SMCO2: variants seen among roughly 807,000 people sequenced by gnomAD.
SMCO2 encodes the protein single-pass membrane protein with coiled-coil domains 2.
A neutral mutation model predicts 29.5 loss-of-function variants in SMCO2; 25 were observed. That is an observed-to-expected ratio of 0.85 (90% CI 0.62 to 1.18). The LOEUF is 1.18. Ranked by LOEUF, SMCO2 falls within the 50% of genes most tolerant of loss-of-function variation. The probability of loss-of-function intolerance (pLI) is 0.00; values close to 1 mark genes in which losing one functional copy is unlikely to be tolerated. For synonymous variants in SMCO2, 117 were observed against 123.3 expected, an observed-to-expected ratio of 0.95 and a Z score of 0.34; for missense variants, 348 against 344.5, an observed-to-expected ratio of 1.01 and a Z score of -0.08.
At chr12:27,434,023 T>C in the SMCO2 span, among the ~76,000 whole-genome samples, 2 of 152,228 alleles carry the variant, frequency 1.3e-5, no homozygotes, top group African/African-American at 2.4e-5. Context: ...TAAAGCTTAA[T>C]GTTTTCCAAC....
chr12:27,432,628 C>T, the SMCO2 span, among the ~76,000 whole-genome samples: 21 of 152,306 alleles, frequency 1.4e-4, no homozygotes, highest in African/African-American at 2.9e-4. Flanking sequence ...AGAAATATCA[C>T]GTTTTTCTTG....
intron 5 of SMCO2, among the ~76,000 whole-genome samples, chr12:27,491,084 C>A (rs1949731351): frequency 6.6e-6 from 1 of 151,606 alleles, no homozygotes; most frequent in Non-Finnish European, 1.5e-5. Context: ...ACAGGAATAG[C>A]AAATAAAATG....
the SMCO2 span, among the ~76,000 whole-genome samples, chr12:27,459,540 C>T: frequency 6.6e-6 from 1 of 152,146 alleles, no homozygotes; most frequent in Non-Finnish European, 1.5e-5. Flanking sequence ...ACCTGGGTGA[C>T]AAAATAACCT....
chr12:27,481,234 G>A (rs1949640416), intron 4 of SMCO2, among the ~76,000 whole-genome samples: 2 of 152,242 alleles, frequency 1.3e-5, no homozygotes, highest in South Asian at 2.1e-4. Context: ...GTCTCAGTGG[G>A]TGTGTAAGAC....
the SMCO2 span, among the ~76,000 whole-genome samples, chr12:27,438,026 G>T: frequency 6.6e-6 from 1 of 151,946 alleles, no homozygotes; most frequent in Non-Finnish European, 1.5e-5. Flanking sequence ...TACACTCCCG[G>T]GCTTCCTGCT....
the SMCO2 span, among the ~76,000 whole-genome samples, chr12:27,444,944 C>A: frequency 6.6e-6 from 1 of 152,112 alleles, no homozygotes; most frequent in Non-Finnish European, 1.5e-5. Context: ...TCTAAGTGCC[C>A]ATCAATGGAT....
At chr12:27,465,162 C>T (rs1949489613), upstream of SMCO2, among the ~76,000 whole-genome samples, 1 of 151,942 alleles carries the variant, frequency 6.6e-6, no homozygotes, top group Non-Finnish European at 1.5e-5. Flanking sequence ...GGGCATGGTC[C>T]CTGGAGCCAG....
chr12:27,492,834 A>G (rs1942939690), intron 5 of SMCO2, among the ~76,000 whole-genome samples: 1 of 152,212 alleles, frequency 6.6e-6, no homozygotes, highest in African/African-American at 2.4e-5. Context: ...ATTATTGTGT[A>G]TATACCCAGA....
At position 27,495,403 on chromosome 12, in the gene SMCO2, T is replaced by C. The variant is rs143307642; in HGVS notation, c.508-277T>C. Reference sequence around the variant, plus strand: ...GATGAACGAGTTGAGTAGAGGAATTTAGTACAAGGACATCTTCCTACATTA... The same window carrying C: ...GATGAACGAGTTGAGTAGAGGAATTCAGTACAAGGACATCTTCCTACATTA... On this transcript the variant is annotated intron_variant, in intron 6 of 7. Transcript: ENST00000298876. Among the ~76,000 whole-genome samples the C allele has an allele frequency of 3.8e-4, 57 of 150,872 alleles. 5 individuals are homozygous for C. Among genetic ancestry groups the C allele is most frequent in the African/African-American group, 1.3e-3 (52 of 40,422 alleles).
At chr12:27,491,342 T>G (rs1181123207) in intron 5 of SMCO2, among the ~76,000 whole-genome samples, 4 of 147,006 alleles carry the variant, frequency 2.7e-5, no homozygotes, top group Non-Finnish European at 5.9e-5. Context: ...CCCAAGCCAT[T>G]ACACTTTCTA....
At chr12:27,475,668 A>G in intron 4 of SMCO2, 1 of 1,549,518 alleles carries the variant, frequency 6.5e-7, no homozygotes, top group Non-Finnish European at 8.7e-7. Flanking sequence ...GATTACATAG[A>G]CGGAACGGAG....
the SMCO2 span, among the ~76,000 whole-genome samples, chr12:27,440,817 T>C: frequency 6.6e-6 from 1 of 152,108 alleles, no homozygotes; most frequent in East Asian, 1.9e-4. Flanking sequence ...AAAGCAACAA[T>C]TTAAAATATA....
exon 7 of SMCO2, chr12:27,495,842 C>T (rs1341370515): frequency 3.2e-5 from 48 of 1,511,476 alleles, no homozygotes; most frequent in Admixed American, 4.0e-5. Flanking sequence ...GTCTCCTCCC[C>T]GCAATACAGC....
chr12:27,463,706 A>G (rs896270349), upstream of SMCO2, among the ~76,000 whole-genome samples: 1 of 152,218 alleles, frequency 6.6e-6, no homozygotes, highest in Non-Finnish European at 1.5e-5. Context: ...TGGATGACTA[A>G]CAGCTCTCAA....
chr12:27,425,547 T>G, the SMCO2 span, among the ~76,000 whole-genome samples: 1 of 152,216 alleles, frequency 6.6e-6, no homozygotes, highest in Admixed American at 6.5e-5. Flanking sequence ...TTCTGCCTCT[T>G]CCTCATTCCA....
At chr12:27,493,716 G>A (rs1565682550) in intron 5 of SMCO2, 1 of 152,240 alleles carries the variant, frequency 6.6e-6, no homozygotes, top group East Asian at 1.9e-4. Context: ...GCATTCACGT[G>A]TTAGAAGGTG....
At chr12:27,490,453 A>C (rs909069146) in intron 5 of SMCO2, among the ~76,000 whole-genome samples, 13 of 152,192 alleles carry the variant, frequency 8.5e-5, no homozygotes, top group African/African-American at 2.9e-4. Context: ...TACACAACAG[A>C]ATGCATTTGT....
At chr12:27,447,043 G>T in the SMCO2 span, among the ~76,000 whole-genome samples, 7,909 of 152,182 alleles carry the variant, frequency 0.052, 230 homozygotes, top group Middle Eastern at 0.082. Flanking sequence ...CTGTTCTAAT[G>T]CAGTTTCCAC....
chr12:27,483,262 C>G (rs1949660937), intron 4 of SMCO2, among the ~76,000 whole-genome samples: 1 of 152,108 alleles, frequency 6.6e-6, no homozygotes, highest in Admixed American at 6.5e-5. Context: ...AAATCTCCAA[C>G]TGTAACTGTA....
Sources: allele counts gnomAD v4.1 joint callset (sites outside exome capture counted in the v4.1 genomes callset), GRCh38; gene constraint gnomAD v4.1.1; transcripts MANE v1.5; gene names NCBI Gene and HGNC (gene_info 2026-07-23, HGNC 2026-07-21).